The following PDCD10 variants were observed in gnomAD, a reference collection of about 807,000 sequenced individuals.
PDCD10 encodes the protein programmed cell death 10, also known as programmed cell death protein 10.
Under a neutral mutation model 29.2 loss-of-function variants are expected in PDCD10, and 4 were observed. That is an observed-to-expected ratio of 0.14 (90% CI 0.07 to 0.31). The LOEUF is 0.31. Ranked by LOEUF, PDCD10 falls within the 10% of genes least tolerant of loss-of-function variation. PDCD10 has a pLI of 1.00. For synonymous variants in PDCD10, 70 were observed against 82.2 expected, an observed-to-expected ratio of 0.85 and a Z score of 0.80; for missense variants, 183 against 257.9, an observed-to-expected ratio of 0.71 and a Z score of 1.99.
chr3:167,720,237 T>G lies in PDCD10; in HGVS notation c.-80A>C. On this transcript the variant is annotated 5_prime_UTR_variant, in exon 3 of 9. Transcript: ENST00000392750. ...TCACTGCAATATTTCTTCTCTTTTTTGGTGATAAAAGAATTGGACACAAAA... is the reference window on the plus strand; with the variant it reads ...TCACTGCAATATTTCTTCTCTTTTTGGGTGATAAAAGAATTGGACACAAAA... 1.0e-6 allele frequency: 1 copy of G among 954,524 alleles called. No individual in the cohort carries two copies. The highest frequency in any genetic ancestry group is 1.7e-6 in the Non-Finnish European group (1 of 589,084). 59.1% of individuals were successfully genotyped at this position (954,524 alleles called of 1,614,324 possible).
In PDCD10 at chr3:167,684,175, T is replaced by G; in HGVS notation, c.*133A>C. 1 of 659,212 alleles carries G rather than the reference T, an allele frequency of 1.5e-6. No individual in the cohort carries two copies. The highest frequency in any genetic ancestry group is 1.6e-5 in the South Asian group (1 of 64,278). The allele number at this position is 659,212 out of a possible 1,614,324, so 40.8% of individuals were successfully genotyped here. A position where few individuals can be genotyped will look rare whatever the true frequency, so the allele number is the denominator to read the frequency against. On this transcript the variant is annotated 3_prime_UTR_variant, in exon 9 of 9. Transcript: ENST00000392750. ...ACAAAAATATGGTGTAAGATGGCAA[T>G]AATCCCATTCAACATCCTGGATTAG...
At chr3:167,720,003 A>C in intron 3 of PDCD10, 59 bp downstream of exon 3, 1 of 1,053,792 alleles carries the variant, frequency 9.5e-7, no homozygotes, top group East Asian at 2.4e-5. Context: ...CAGACGAATA[A>C]ATAAAGCAGG....
chr3:167,719,883 G>A (rs1370454218), intron 3 of PDCD10, among the ~76,000 whole-genome samples, 179 bp downstream of exon 3: 1 of 151,964 alleles, frequency 6.6e-6, no homozygotes, highest in African/African-American at 2.4e-5. Context: ...TCTCTAGAGG[G>A]AAGAGGCATA....
chr3:167,695,010 A>G (rs1174188413), intron 6 of PDCD10, among the ~76,000 whole-genome samples: 1 of 152,168 alleles, frequency 6.6e-6, no homozygotes, highest in African/African-American at 2.4e-5. Context: ...TTATGTTTTC[A>G]CTCAATCCCC....
chr3:167,714,201 G>A (rs191643766), intron 3 of PDCD10, among the ~76,000 whole-genome samples: 6 of 152,136 alleles, frequency 3.9e-5, no homozygotes, highest in East Asian at 3.9e-4. Flanking sequence ...TAACCAAGGA[G>A]ATTTATCCCA....
chr3:167,727,204 T>C (rs1264437868), intron 2 of PDCD10, among the ~76,000 whole-genome samples: 2 of 152,162 alleles, frequency 1.3e-5, no homozygotes, highest in East Asian at 3.9e-4. Context: ...CTGTACAAGA[T>C]AATCAAAAGT....
chr3:167,721,305 AAGATCACACAGGT>A (rs563777470), intron 2 of PDCD10, among the ~76,000 whole-genome samples: 57 of 152,266 alleles, frequency 3.7e-4, no homozygotes, highest in African/African-American at 1.3e-3. Context: ...TAACTTGCCC[AAGATCACACAGGT>A]AGAGACCCAA....
chr3:167,707,333 G>A (rs571902396), intron 3 of PDCD10, among the ~76,000 whole-genome samples: 1 of 152,242 alleles, frequency 6.6e-6, no homozygotes, highest in East Asian at 1.9e-4. Flanking sequence ...TTAGAGTCCA[G>A]CACTTTCCGA....
chr3:167,687,866 T>C (rs372343719), intron 6 of PDCD10, among the ~76,000 whole-genome samples, 173 bp from the exon 7 acceptor site: 125 of 152,330 alleles, frequency 8.2e-4, no homozygotes, highest in Middle Eastern at 3.4e-3. Flanking sequence ...GGCTAGCTGG[T>C]TGGAGTGGGG....
chr3:167,720,270 T>C lies in PDCD10; in HGVS notation c.-113A>G. 1 of 727,146 alleles carries C rather than the reference T, an allele frequency of 1.4e-6. No homozygotes were observed. The highest frequency in any genetic ancestry group is 2.5e-6 in the Non-Finnish European group (1 of 403,402). The allele number at this position is 727,146 out of a possible 1,614,324, so 45.0% of individuals were successfully genotyped here. ...AAAGAATTGGACACAAAAAACACAC[T>C]GATCTGGTGAAAGAGGAAGAAAGAA... On this transcript the variant is annotated 5_prime_UTR_variant, in exon 3 of 9. Coordinates refer to ENST00000392750, the MANE Select transcript of PDCD10 (RefSeq NM_007217.4).
intron 6 of PDCD10, among the ~76,000 whole-genome samples, chr3:167,688,355 T>C (rs1201501995): frequency 1.3e-5 from 2 of 152,180 alleles, no homozygotes; most frequent in Non-Finnish European, 2.9e-5. Context: ...TTGGAAAATA[T>C]TTAAATTACT....
intron 6 of PDCD10, among the ~76,000 whole-genome samples, chr3:167,689,727 T>G (rs561533647): frequency 4.9e-4 from 75 of 152,236 alleles, no homozygotes; most frequent in Middle Eastern, 3.4e-3. Flanking sequence ...TTTGAAAACT[T>G]GGAGCTAAGG....
intron 2 of PDCD10, among the ~76,000 whole-genome samples, chr3:167,721,968 A>T (rs182801267): frequency 2.1e-3 from 320 of 152,292 alleles, no homozygotes; most frequent in African/African-American, 7.2e-3. Flanking sequence ...GAAGTAGATA[A>T]ATACCAATTG....
intron 6 of PDCD10, among the ~76,000 whole-genome samples, chr3:167,688,448 C>T (rs1577319395): frequency 6.6e-6 from 1 of 152,148 alleles, no homozygotes; most frequent in Non-Finnish European, 1.5e-5. Context: ...TCACCTCCCT[C>T]CCCTTTCTAA....
rs560600033 is a variant in PDCD10, at chr3:167,720,976, T to C, written c.-116-703A>G. The stretch of plus-strand genomic sequence containing the variant: ...GAAAGAAGAAAAACCCAGAGGCTGG[T>C]AGTTTGGATTAAAATCAAGAATTCA... On this transcript the variant is annotated intron_variant, in intron 2 of 8. Transcript: ENST00000392750. Among the ~76,000 whole-genome samples the C allele has an allele frequency of 5.7e-4, 86 of 152,134 alleles. 1 individual carries two copies. The highest frequency in any genetic ancestry group is 1.9e-3 in the African/African-American group (77 of 41,542).
intron 4 of PDCD10, among the ~76,000 whole-genome samples, chr3:167,698,768 C>G (rs895677802): frequency 2.0e-5 from 3 of 151,732 alleles, no homozygotes; most frequent in African/African-American, 7.3e-5. Flanking sequence ...TTGCAGGGGA[C>G]AGAAAAAGAA....
chr3:167,689,315 G>A (rs1223082181), intron 6 of PDCD10, among the ~76,000 whole-genome samples: 2 of 152,096 alleles, frequency 1.3e-5, no homozygotes, highest in African/African-American at 4.8e-5. Flanking sequence ...AATAAAACAT[G>A]TCAAATCTCT....
intron 6 of PDCD10, among the ~76,000 whole-genome samples, chr3:167,692,796 T>C (rs1249403854): frequency 2.0e-5 from 3 of 152,222 alleles, no homozygotes; most frequent in Non-Finnish European, 4.4e-5. Context: ...CGGGCGCCTG[T>C]AGTCCCAGCT....
chr3:167,707,174 T>C (rs1210828401), intron 3 of PDCD10, among the ~76,000 whole-genome samples: 2 of 152,234 alleles, frequency 1.3e-5, no homozygotes, highest in Non-Finnish European at 2.9e-5. Context: ...GGATTTGAAC[T>C]GATCTTTAAA....
Sources: allele counts gnomAD v4.1 joint callset (sites outside exome capture counted in the v4.1 genomes callset), GRCh38; gene constraint gnomAD v4.1.1; transcripts MANE v1.5; gene names NCBI Gene and HGNC (gene_info 2026-07-23, HGNC 2026-07-21).